PIKFYVE: variants seen among roughly 807,000 people sequenced by gnomAD.
PIKFYVE encodes the protein 1-phosphatidylinositol 3-phosphate 5-kinase.
PIKFYVE carries 122 observed loss-of-function variants against 257.9 expected under a neutral mutation model. That is an observed-to-expected ratio of 0.47 (90% confidence interval 0.41 to 0.55). The LOEUF is 0.55. Among genes scored for constraint, PIKFYVE ranks in the 20% least tolerant of loss-of-function variants. PIKFYVE has a pLI of 0.00. For missense variants in PIKFYVE, 2,160 were observed against 2,536.6 expected (o/e 0.85, Z 3.19); for synonymous variants, 892 against 868.9 (o/e 1.03, Z -0.47).
In PIKFYVE at chr2:208,285,866, C is replaced by T; in HGVS notation, c.754C>T (p.Arg252Ter). The stretch of plus-strand genomic sequence containing the variant: ...GTCTGTGCTTGATCCAAGTGAACCC[C>T]GAACACCTGTTGGGAGTAGGAAAGC... ...SVSVLDPSEPRTPVGSRKASR... is the reference protein window; with the variant it reads ...SVSVLDPSEP Residue 252 changes from arginine to a stop codon, truncating the protein, a stop_gained, in exon 6 of 42, where the codon CGA (arginine) becomes TGA (stop). Transcript: ENST00000264380. LOFTEE classifies it high-confidence loss of function. The T allele has an allele frequency of 6.2e-7, 1 of 1,614,026 alleles. No homozygotes were observed. The highest frequency in any genetic ancestry group is 8.5e-7 in the Non-Finnish European group (1 of 1,180,024).
chr2:208,295,505 C>G (rs1692854425), intron 7 of PIKFYVE, among the ~76,000 whole-genome samples: 1 of 152,158 alleles, frequency 6.6e-6, no homozygotes, highest in Non-Finnish European at 1.5e-5. Context: ...TTTCTTTACT[C>G]TGTAACAGTA....
intron 10 of PIKFYVE, 123 bp downstream of exon 10, chr2:208,302,476 T>G (rs1693812869): frequency 4.0e-6 from 4 of 993,170 alleles, no homozygotes; most frequent in Non-Finnish European, 4.6e-6. Context: ...TCCTGCTGTT[T>G]GAGGAAAGTT....
In PIKFYVE at chr2:208,298,700, A is replaced by G. The variant is rs781276071; in HGVS notation, c.971A>G (p.Tyr324Cys). 2.5e-6 allele frequency: 4 copies of G among 1,614,088 alleles called. No individual in the cohort carries two copies. The highest frequency in any genetic ancestry group is 1.1e-5 in the South Asian group (1 of 91,080). The change falls in exon 8 of 42, where the codon TAT becomes TGT. Residue 324 changes from tyrosine (Y) to cysteine (C), a missense_variant. Transcript: ENST00000264380. ...DRSGSPMVPS[Y>C]ETSVSPQANR... ...TCTGGTTCTCCTATGGTACCTTCATATGAGACATCTGTCAGTCCCCAGGCT... is the reference window on the plus strand; with the variant it reads ...TCTGGTTCTCCTATGGTACCTTCATGTGAGACATCTGTCAGTCCCCAGGCT...
intron 27 of PIKFYVE, among the ~76,000 whole-genome samples, 191 bp downstream of exon 27, chr2:208,336,391 A>G (rs1698141481): frequency 6.6e-6 from 1 of 152,128 alleles, no homozygotes; most frequent in Non-Finnish European, 1.5e-5. Flanking sequence ...GTAGCTTGTG[A>G]AGATGTAAAA....
intron 1 of PIKFYVE, among the ~76,000 whole-genome samples, chr2:208,268,680 C>T (rs1356071997): frequency 6.6e-6 from 1 of 151,342 alleles, no homozygotes; most frequent in East Asian, 1.9e-4. Flanking sequence ...TGTCATGACA[C>T]TTCAGAAGGA....
At chr2:208,316,337 A>G (rs1195426388) in intron 15 of PIKFYVE, among the ~76,000 whole-genome samples, 1 of 152,058 alleles carries the variant, frequency 6.6e-6, no homozygotes, top group Non-Finnish European at 1.5e-5. Context: ...AATAAACATA[A>G]TGTGTGCATG....
intron 24 of PIKFYVE, among the ~76,000 whole-genome samples, chr2:208,333,938 G>A (rs1408608616): frequency 6.6e-6 from 1 of 152,100 alleles, no homozygotes; most frequent in Non-Finnish European, 1.5e-5. Context: ...CCATCATGTC[G>A]GGCCCTGGCC....
intron 12 of PIKFYVE, among the ~76,000 whole-genome samples, chr2:208,307,765 T>C (rs370319572): frequency 1.6e-4 from 24 of 152,268 alleles, no homozygotes; most frequent in African/African-American, 5.1e-4. Context: ...GATACAAGAT[T>C]GATAAATCAG....
chr2:208,355,073 C>G, intron 41 of PIKFYVE, 117 bp from the exon 42 acceptor site: 1 of 802,586 alleles, frequency 1.2e-6, no homozygotes, highest in Non-Finnish European at 2.1e-6. Context: ...CCCACTCAGA[C>G]TGCTTCTGCA....
chr2:208,352,097 C>G (rs1196973855), intron 38 of PIKFYVE, among the ~76,000 whole-genome samples: 1 of 152,144 alleles, frequency 6.6e-6, no homozygotes, highest in East Asian at 1.9e-4. Context: ...AGCAAGTTGC[C>G]TTTAATTAGT....
chr2:208,335,661 A>T, intron 25 of PIKFYVE, 132 bp from the exon 26 acceptor site: 1 of 855,920 alleles, frequency 1.2e-6, no homozygotes, highest in Non-Finnish European at 1.9e-6. Context: ...ACTCTGCAAA[A>T]CTGTATGTAA....
intron 8 of PIKFYVE, among the ~76,000 whole-genome samples, chr2:208,299,292 T>C (rs1430329847): frequency 1.3e-5 from 2 of 150,874 alleles, no homozygotes; most frequent in African/African-American, 5.0e-5. Flanking sequence ...CTTTCTTTAT[T>C]ATTATTATTT....
rs1294027492 is a variant in PIKFYVE, at chr2:208,318,005, TG to T, written c.2082+68del. On this transcript the variant is annotated intron_variant, in intron 16 of 41. Transcript: ENST00000264380. ...ATGGCTGTGTGCTTAGGTAACAAGT[TG>T]GGGCACCTTAGTTATGGAAGAAATG... The T allele has an allele frequency of 2.0e-6, 3 of 1,463,448 alleles. No homozygotes were observed. The South Asian group carries it at 3.4e-5, about 17-fold the overall frequency. 90.7% of individuals were successfully genotyped at this position (1,463,448 alleles called of 1,614,324 possible).
At position 208,350,796 on chromosome 2, in the gene PIKFYVE, T is replaced by G; in HGVS notation, c.5460T>G (p.Phe1820Leu). The change falls in exon 37 of 42, where the codon TTT (phenylalanine) becomes TTG (leucine). Residue 1820 changes from phenylalanine to leucine, a missense_variant. This residue lies in a region of PIKFYVE where 699 missense variants were observed against 855.8 expected (regional missense o/e 0.82). Transcript: ENST00000264380. ...AATTTTCAGATGCTAATGCCAAGTTTTACTGTCGGCTCTACTATGCGGGAG... is the reference window on the plus strand; with the variant it reads ...AATTTTCAGATGCTAATGCCAAGTTGTACTGTCGGCTCTACTATGCGGGAG... The part of the protein sequence containing the change: ...ELQFSDANAK[F>L]YCRLYYAGEF... The G allele has an allele frequency of 6.2e-7, 1 of 1,614,174 alleles. No individual in the cohort carries two copies. Among genetic ancestry groups the G allele is most frequent in the Non-Finnish European group, 8.5e-7 (1 of 1,180,040 alleles).
At chr2:208,333,281 T>C (rs1249316923) in intron 23 of PIKFYVE, 34 bp from the exon 24 acceptor site, 2 of 1,596,844 alleles carry the variant, frequency 1.3e-6, no homozygotes, top group Non-Finnish European at 1.7e-6. Context: ...ATTCTCAATA[T>C]GTGATTAGGT....
intron 13 of PIKFYVE, among the ~76,000 whole-genome samples, chr2:208,313,504 G>A (rs922202620): frequency 1.3e-5 from 2 of 151,474 alleles, no homozygotes; most frequent in African/African-American, 4.9e-5. Flanking sequence ...CTTCTTTCTT[G>A]AAAATTCATC....
intron 21 of PIKFYVE, among the ~76,000 whole-genome samples, chr2:208,329,061 T>C (rs865996340): frequency 1.3e-5 from 2 of 152,248 alleles, no homozygotes; most frequent in African/African-American, 2.4e-5. Flanking sequence ...GAAACTGAAA[T>C]ACATTTTATG....
chr2:208,300,868 A>G (rs1693596502), intron 8 of PIKFYVE, 69 bp from the exon 9 acceptor site: 2 of 1,592,228 alleles, frequency 1.3e-6, no homozygotes, highest in Admixed American at 1.7e-5. Context: ...TAAAAATCAC[A>G]GGAAAACATC....
Position 208,276,798 on chromosome 2 carries a change from C to T in PIKFYVE, c.409C>T (p.Arg137Cys), listed in dbSNP as rs1438618254. ...TCGAAGCCTCAGCACAGTATTAAAACGCCTCAAGGAAATCATGGAGGGGAA... is the reference window on the plus strand; with the variant it reads ...TCGAAGCCTCAGCACAGTATTAAAATGCCTCAAGGAAATCATGGAGGGGAA... ...QLRSLSTVLKRLKEIMEGKSQ... is the reference protein window; with the variant it reads ...QLRSLSTVLKCLKEIMEGKSQ... The change falls in exon 4 of 42, where the codon CGC becomes TGC. Residue 137 changes from arginine (R) to cysteine (C), a missense_variant. Around this residue, in one of 12 missense-constraint regions of PIKFYVE, gnomAD observed 172 missense variants for 180.6 expected, o/e 0.95. Transcript: ENST00000264380. 3.1e-6 allele frequency: 5 copies of T among 1,613,292 alleles called. No individual in the cohort carries two copies. The highest frequency in any genetic ancestry group is 4.2e-6 in the Non-Finnish European group (5 of 1,179,524).
Sources: allele counts gnomAD v4.1 joint callset (sites outside exome capture counted in the v4.1 genomes callset), GRCh38; gene constraint gnomAD v4.1.1; regional missense constraint gnomAD v4.1.1; transcripts MANE v1.5; gene names NCBI Gene and HGNC (gene_info 2026-07-23, HGNC 2026-07-21).